Variants in CMSS1 observed in about 807,000 individuals in gnomAD.
CMSS1 encodes cms1 ribosomal small subunit homolog.
In CMSS1, 33 loss-of-function variants were observed where a neutral mutation model predicts 43.5. The ratio of observed to expected loss-of-function variants is 0.76; its 90% CI spans 0.57 to 1.01. The LOEUF is 1.01. CMSS1 is among the 50% of genes least tolerant of loss of function. The pLI is 0.00. For synonymous variants in CMSS1, 115 were observed against 117.2 expected, an observed-to-expected ratio of 0.98 and a Z score of 0.12; for missense variants, 313 against 326.4, an observed-to-expected ratio of 0.96 and a Z score of 0.32.
At chr3:100,160,381 C>T (rs1298200968) in intron 2 of CMSS1, 49 bp from the exon 3 acceptor site, 4 of 939,946 alleles carry the variant, frequency 4.3e-6, no homozygotes, top group Admixed American at 4.1e-5. Flanking sequence ...CACTAATTGA[C>T]ACTTTATCAT....
At chr3:99,898,974 A>G (rs1235630840) in intron 1 of CMSS1, among the ~76,000 whole-genome samples, 1 of 152,116 alleles carries the variant, frequency 6.6e-6, no homozygotes, top group Non-Finnish European at 1.5e-5. Flanking sequence ...ATTAATACCA[A>G]TCAAATTTCT....
chr3:99,935,788 A>G (rs111692131), intron 1 of CMSS1, among the ~76,000 whole-genome samples: 2,929 of 152,236 alleles, frequency 0.019, 88 homozygotes, highest in African/African-American at 0.066. Flanking sequence ...TTGTTTTCCT[A>G]TGTAGTTCCT....
At chr3:100,040,181 G>A (rs1049839409) in intron 1 of CMSS1, 3 of 151,950 alleles carry the variant, frequency 2.0e-5, no homozygotes, top group Admixed American at 1.3e-4. Context: ...AGGAACCTAA[G>A]ACAATCTCTG....
chr3:99,832,991 G>A (rs909907634), intron 1 of CMSS1, among the ~76,000 whole-genome samples: 4 of 148,778 alleles, frequency 2.7e-5, no homozygotes, highest in Admixed American at 6.8e-5. Context: ...AGAAAGTTTT[G>A]TCCAAATTTG....
chr3:100,066,115 A>AT (rs1337919563), intron 1 of CMSS1, among the ~76,000 whole-genome samples: 1 of 152,182 alleles, frequency 6.6e-6, no homozygotes, highest in Non-Finnish European at 1.5e-5. Context: ...ATTACCATCT[A>AT]TTTTCCCTTG....
At chr3:100,060,253 G>C (rs1231313049) in intron 1 of CMSS1, among the ~76,000 whole-genome samples, 1 of 152,020 alleles carries the variant, frequency 6.6e-6, no homozygotes, top group Non-Finnish European at 1.5e-5. Context: ...AATCTACTGG[G>C]AGGTAAAGGA....
chr3:99,996,834 C>T (rs1484317315), intron 1 of CMSS1, among the ~76,000 whole-genome samples: 2 of 151,798 alleles, frequency 1.3e-5, no homozygotes, highest in East Asian at 1.9e-4. Flanking sequence ...CCTCCCACAA[C>T]ACATGGGAAT....
At chr3:100,062,135 G>A (rs1214742809) in intron 1 of CMSS1, among the ~76,000 whole-genome samples, 2 of 82,560 alleles carry the variant, frequency 2.4e-5, no homozygotes, top group Non-Finnish European at 4.4e-5. Flanking sequence ...TTTTTGAGAC[G>A]GAGTGTTGCT....
At chr3:100,123,911 A>G (rs1576087704) in intron 1 of CMSS1, among the ~76,000 whole-genome samples, 1 of 152,222 alleles carries the variant, frequency 6.6e-6, no homozygotes, top group South Asian at 2.1e-4. Flanking sequence ...AAGGTATTCA[A>G]TAAATATTCA....
intron 1 of CMSS1, among the ~76,000 whole-genome samples, chr3:100,032,773 G>A (rs1340741613): frequency 1.3e-5 from 2 of 152,100 alleles, no homozygotes; most frequent in Non-Finnish European, 2.9e-5. Context: ...TTGCATAAAT[G>A]GTAATGCAGT....
intron 1 of CMSS1, among the ~76,000 whole-genome samples, chr3:99,903,310 G>A (rs936517857): frequency 1.3e-4 from 20 of 151,528 alleles, no homozygotes; most frequent in South Asian, 2.1e-4. Flanking sequence ...GGAGTGCAGT[G>A]GCGTGATCTC....
At chr3:100,093,033 A>G (rs1399350900) in intron 1 of CMSS1, among the ~76,000 whole-genome samples, 1 of 152,136 alleles carries the variant, frequency 6.6e-6, no homozygotes, top group Non-Finnish European at 1.5e-5. Flanking sequence ...AAATACGTTG[A>G]AGGAGTAGAG....
At position 100,013,434 on chromosome 3, in the gene CMSS1, G is replaced by A. The variant is rs920715789; in HGVS notation, c.65-133539G>A. ...AATTTTTATATTTTTAGTAGAGACC[G>A]GGTTTCCCCATGTTGGCCAGACTGG... On this transcript the variant is annotated intron_variant, in intron 1 of 9. Coordinates refer to ENST00000421999, the MANE Select transcript of CMSS1 (RefSeq NM_032359.4). Among the ~76,000 whole-genome samples the A allele has an allele frequency of 1.1e-4, 17 of 151,508 alleles. 1 individual carries two copies. Among genetic ancestry groups the A allele is most frequent in the Admixed American group, 7.2e-4 (11 of 15,202 alleles).
chr3:99,968,968 G>GAA (rs11414872), intron 1 of CMSS1, among the ~76,000 whole-genome samples: 16 of 151,440 alleles, frequency 1.1e-4, no homozygotes, highest in South Asian at 4.2e-4. Flanking sequence ...GAAGCAAAAA[G>GAA]AAAAAAAAAT....
intron 1 of CMSS1, among the ~76,000 whole-genome samples, chr3:100,089,176 T>C (rs947347428): frequency 6.6e-6 from 1 of 152,242 alleles, no homozygotes; most frequent in African/African-American, 2.4e-5. Flanking sequence ...ACTTTGCTAA[T>C]ACATTCCAAC....
At chr3:100,011,550 A>G (rs1194527895) in intron 1 of CMSS1, among the ~76,000 whole-genome samples, 1 of 152,084 alleles carries the variant, frequency 6.6e-6, no homozygotes, top group Non-Finnish European at 1.5e-5. Context: ...TTATATCTAT[A>G]AAGCCTGTTG....
At chr3:100,002,897 A>G (rs1043763145) in intron 1 of CMSS1, among the ~76,000 whole-genome samples, 5 of 152,166 alleles carry the variant, frequency 3.3e-5, no homozygotes, top group African/African-American at 4.8e-5. Flanking sequence ...TCTGATGAGT[A>G]TGTGTATGTT....
intron 1 of CMSS1, among the ~76,000 whole-genome samples, chr3:100,130,620 C>T (rs2107499144): frequency 6.6e-6 from 1 of 152,344 alleles, no homozygotes; most frequent in East Asian, 1.9e-4. Context: ...AGAGTACGAA[C>T]TAGCAGACTA....
intron 2 of CMSS1, chr3:100,159,824 T>C (rs1202438420): frequency 2.2e-6 from 1 of 454,326 alleles, no homozygotes; most frequent in Admixed American, 2.4e-5. Context: ...CTCTAGATAC[T>C]GTGGTGCTGA....
Sources: gnomAD v4.1 joint callset for allele counts (sites outside exome capture counted in the v4.1 genomes callset) on GRCh38, gnomAD v4.1.1 for gene constraint, MANE v1.5 for transcripts, NCBI Gene and HGNC (gene_info 2026-07-23, HGNC 2026-07-21) for gene names.